COQ8B: variants seen among roughly 807,000 people sequenced by gnomAD.
COQ8B encodes the protein atypical kinase COQ8B, mitochondrial.
Under a neutral mutation model 62.0 loss-of-function variants are expected in COQ8B, and 44 were observed. The observed-to-expected ratio is 0.71, with a 90% CI of 0.56 to 0.91. The LOEUF (loss-of-function observed/expected upper bound fraction) is 0.91, where lower values mean the gene tolerates loss of function less well. COQ8B is among the 40% of genes least tolerant of loss of function. The pLI is 0.00. For synonymous variants in COQ8B, 252 were observed against 289.9 expected (o/e 0.87, Z 1.33); for missense variants, 649 against 731.6 (o/e 0.89, Z 1.30).
chr19:40,692,702 A>G (rs190856459), intron 14 of COQ8B, among the ~76,000 whole-genome samples: 50 of 152,124 alleles, frequency 3.3e-4, no homozygotes, highest in Admixed American at 2.4e-3. Flanking sequence ...GAAGTCAGGC[A>G]GCCACCTCCC....
chr19:40,695,843 C>G (rs2082010662), intron 13 of COQ8B, 146 bp downstream of exon 13: 1 of 798,360 alleles, frequency 1.3e-6, no homozygotes, highest in Non-Finnish European at 2.1e-6. Context: ...ATATTAAGTG[C>G]TTGGTGTGTG....
intron 5 of COQ8B, among the ~76,000 whole-genome samples, chr19:40,709,176 T>A (rs901205199): frequency 6.6e-6 from 1 of 152,234 alleles, no homozygotes. Flanking sequence ...CATAATCACA[T>A]GTAAGAAAAT....
At position 40,710,854 on chromosome 19, in the gene COQ8B, G is replaced by A. The variant is rs143279127; in HGVS notation, c.290-718C>T. On this transcript the variant is annotated intron_variant, in intron 4 of 14. Coordinates refer to ENST00000324464, the MANE Select transcript of COQ8B (RefSeq NM_024876.4). ...TCAAGGTTAAGAAGGCCCCTCGGCCGGGCACAGTGGCTCATGCCTATGATC... is the reference window on the plus strand; with the variant it reads ...TCAAGGTTAAGAAGGCCCCTCGGCCAGGCACAGTGGCTCATGCCTATGATC... Among the ~76,000 whole-genome samples the A allele has an allele frequency of 3.5e-4, 54 of 152,240 alleles. 2 individuals are homozygous for A. In the East Asian group the frequency reaches 7.8e-3, roughly 22 times the overall value.
intron 4 of COQ8B, among the ~76,000 whole-genome samples, 200 bp from the exon 5 acceptor site, chr19:40,710,336 C>G (rs933835655): frequency 6.6e-6 from 1 of 152,234 alleles, no homozygotes; most frequent in Admixed American, 6.5e-5. Context: ...CCTCCACCTC[C>G]CGGGTTCAAG....
chr19:40,693,304 A>G (rs897640999), intron 13 of COQ8B, among the ~76,000 whole-genome samples: 1 of 152,190 alleles, frequency 6.6e-6, no homozygotes, highest in Non-Finnish European at 1.5e-5. Context: ...ACAGTGAAAC[A>G]GTGCAAGAAA....
intron 4 of COQ8B, among the ~76,000 whole-genome samples, chr19:40,712,367 G>T (rs2082148506): frequency 1.4e-5 from 2 of 147,910 alleles, no homozygotes; most frequent in African/African-American, 5.0e-5. Flanking sequence ...GAGGTCAGGA[G>T]ATCGAGACCA....
At chr19:40,696,715 G>C (rs562372082) in intron 12 of COQ8B, among the ~76,000 whole-genome samples, 2 of 150,112 alleles carry the variant, frequency 1.3e-5, no homozygotes, top group Non-Finnish European at 3.0e-5. Flanking sequence ...TGTGTATCCC[G>C]CCCTGATCAC....
In COQ8B at chr19:40,705,165, G is replaced by A; in HGVS notation, c.507C>T (p.Ser169=). 1 of 1,613,404 alleles carries A rather than the reference G, an allele frequency of 6.2e-7. No homozygotes were observed. Residue 169 remains serine (S), a synonymous_variant, in exon 7 of 15, where the codon AGC becomes AGT. Transcript: ENST00000324464. ...MLSIQDNSFI[S]PQLQHIFERV... ...GCTCAAAGATGTGCTGCAGCTGAGG[G>A]CTGATGAAGCTGTTGTCTTGGGAGA...
At chr19:40,703,496 A>G (rs2082077217) in intron 9 of COQ8B, 45 bp downstream of exon 9, 2 of 1,548,788 alleles carry the variant, frequency 1.3e-6, no homozygotes, top group Non-Finnish European at 1.7e-6. Context: ...CTCTCTGGGC[A>G]TAGCCCCTTT....
intron 14 of COQ8B, among the ~76,000 whole-genome samples, chr19:40,692,736 G>A (rs1369316381): frequency 6.7e-6 from 1 of 149,538 alleles, no homozygotes; most frequent in African/African-American, 2.5e-5. Flanking sequence ...AAAGCCCCCA[G>A]CATGGATAAG....
rs1191391627 is a variant in COQ8B at position 40,709,940 on chromosome 19, T to C, written c.367+119A>G. On this transcript the variant is annotated intron_variant, in intron 5 of 14. Coordinates refer to ENST00000324464, the MANE Select transcript of COQ8B (RefSeq NM_024876.4). ...CTTCACAATGACTCTAAGAGGTGGG[T>C]AAATTATCACCACCTCCATCTTCCG... The C allele has an allele frequency of 1.3e-5, 13 of 966,210 alleles. No homozygotes were observed. The Middle Eastern group carries it at 6.3e-4, about 47-fold the overall frequency. The allele number at this position is 966,210 out of a possible 1,614,324, so 59.9% of individuals were successfully genotyped here. A position where few individuals can be genotyped will look rare whatever the true frequency, so the allele number is the denominator to read the frequency against.
At chr19:40,715,335 C>G (rs1264561328) in intron 1 of COQ8B, 2 of 985,544 alleles carry the variant, frequency 2.0e-6, no homozygotes, top group Non-Finnish European at 2.4e-6. Context: ...CTCAAAGTGC[C>G]TTGTACGCGA....
intron 4 of COQ8B, among the ~76,000 whole-genome samples, chr19:40,711,444 G>C (rs1217097896): frequency 6.6e-6 from 1 of 151,982 alleles, no homozygotes; most frequent in Non-Finnish European, 1.5e-5. Flanking sequence ...GGCTGGTCTG[G>C]AACTCCAGAA....
At chr19:40,697,086 G>T (rs1336097411) in intron 12 of COQ8B, among the ~76,000 whole-genome samples, 1 of 150,540 alleles carries the variant, frequency 6.6e-6, no homozygotes, top group African/African-American at 2.4e-5. Context: ...TTTTAAATAT[G>T]TTTATTAGTT....
chr19:40,696,464 A>T (rs1185000275), intron 12 of COQ8B, among the ~76,000 whole-genome samples: 1 of 152,076 alleles, frequency 6.6e-6, no homozygotes, highest in African/African-American at 2.4e-5. Context: ...CAGGAGTTTG[A>T]GACCAGCCTG....
rs371739818 is a variant in COQ8B at position 40,699,687 on chromosome 19, C to T, written c.1143+380G>A. Among the ~76,000 whole-genome samples, 31 of 152,364 alleles carry T rather than the reference C, an allele frequency of 2.0e-4. 1 individual carries two copies. Among genetic ancestry groups the T allele is most frequent in the African/African-American group, 7.5e-4 (31 of 41,584 alleles). ...ACTGCCTAGCCAGGGACTCCATTTTCCAGCATGCCTTGCACCTAGGCAGGC... is the reference window on the plus strand; with the variant it reads ...ACTGCCTAGCCAGGGACTCCATTTTTCAGCATGCCTTGCACCTAGGCAGGC... On this transcript the variant is annotated intron_variant, in intron 12 of 14. Transcript: ENST00000324464.
chr19:40,707,572 C>G (rs1292604451), intron 5 of COQ8B, among the ~76,000 whole-genome samples: 1 of 152,000 alleles, frequency 6.6e-6, no homozygotes, highest in Non-Finnish European at 1.5e-5. Flanking sequence ...TGCCTTACCC[C>G]CCACCCAAGT....
chr19:40,695,080 G>C (rs1034847130), intron 13 of COQ8B, among the ~76,000 whole-genome samples: 1 of 152,200 alleles, frequency 6.6e-6, no homozygotes, highest in Admixed American at 6.5e-5. Context: ...CACTTTGGGA[G>C]GCCAAGGCAG....
rs2081973641 is a variant in COQ8B, at chr19:40,691,730, G to A, written c.*305C>T. 1 of 257,696 alleles carries A rather than the reference G, an allele frequency of 3.9e-6. No homozygotes were observed. Among genetic ancestry groups the A allele is most frequent in the Middle Eastern group, 1.1e-3 (1 of 936 alleles). The allele number at this position is 257,696 out of a possible 1,614,324, so 16.0% of individuals were successfully genotyped here. ...GGCAGAGGTGAGGGCTCCCCCTGAT[G>A]AGTCTGATCTGCATAACGACATGCA... On this transcript the variant is annotated 3_prime_UTR_variant, in exon 15 of 15. Coordinates refer to ENST00000324464, the MANE Select transcript of COQ8B (RefSeq NM_024876.4).
Sources: gnomAD v4.1 joint callset for allele counts (sites outside exome capture counted in the v4.1 genomes callset) on GRCh38, gnomAD v4.1.1 for gene constraint, MANE v1.5 for transcripts, NCBI Gene and HGNC (gene_info 2026-07-23, HGNC 2026-07-21) for gene names.